Variants in ICA1 observed in about 807,000 individuals in gnomAD.
The protein encoded by ICA1 is 69 kDa islet cell autoantigen.
ICA1 carries 40 observed loss-of-function variants against 71.0 expected under a neutral mutation model. The observed-to-expected ratio is 0.56, with a 90% CI of 0.44 to 0.73. The LOEUF (loss-of-function observed/expected upper bound fraction) is 0.73, where lower values mean the gene tolerates loss of function less well. Ranked by LOEUF, ICA1 falls within the 30% of genes least tolerant of loss-of-function variation. The probability of loss-of-function intolerance (pLI) is 0.00; values close to 1 mark genes in which losing one functional copy is unlikely to be tolerated. For synonymous variants in ICA1, 207 were observed against 209.5 expected (o/e 0.99, Z 0.10); for missense variants, 578 against 576.5 (o/e 1.00, Z -0.03).
At position 8,218,500 on chromosome 7, in the gene ICA1, C is replaced by T. The variant is rs1796066770; in HGVS notation, c.384G>A (p.Leu128=). The change falls in exon 6 of 14, where the codon TTG becomes TTA. Residue 128 remains leucine, a synonymous_variant. Coordinates refer to ENST00000402384, the MANE Select transcript of ICA1 (RefSeq NM_001136020.3). ...ATCGACACAAAGGATTTCGTAAGGCCAACCTAGACAAGAGGACAAAGCCAC... is the reference window on the plus strand; with the variant it reads ...ATCGACACAAAGGATTTCGTAAGGCTAACCTAGACAAGAGGACAAAGCCAC... ...KALCFSSQQR[L]ALRNPLCRFH... is the part of the protein sequence containing the mutation. The T allele has an allele frequency of 6.2e-7, 1 of 1,613,786 alleles. No homozygotes were observed. Among genetic ancestry groups the T allele is most frequent in the Non-Finnish European group, 8.5e-7 (1 of 1,179,864 alleles).
At chr7:8,199,201 A>G (rs758989410) in intron 6 of ICA1, among the ~76,000 whole-genome samples, 1 of 152,218 alleles carries the variant, frequency 6.6e-6, no homozygotes, top group Non-Finnish European at 1.5e-5. Context: ...GAGCTACCAT[A>G]TGATCCAACA....
At chr7:8,153,492 A>T (rs1205412031) in intron 8 of ICA1, among the ~76,000 whole-genome samples, 2 of 152,120 alleles carry the variant, frequency 1.3e-5, no homozygotes, top group Non-Finnish European at 2.9e-5. Context: ...TCTACTTATG[A>T]GGTCTTTTTT....
At chr7:8,240,496 C>T (rs1411647256) in intron 1 of ICA1, among the ~76,000 whole-genome samples, 1 of 152,166 alleles carries the variant, frequency 6.6e-6, no homozygotes, top group African/African-American at 2.4e-5. Flanking sequence ...AACCAGAGCG[C>T]ATCTTCTCCT....
intron 13 of ICA1, among the ~76,000 whole-genome samples, chr7:8,125,451 C>T (rs960081883): frequency 3.9e-5 from 6 of 152,212 alleles, no homozygotes; most frequent in South Asian, 4.1e-4. Flanking sequence ...TCACCTCCTG[C>T]AAGTCTCTGC....
chr7:8,186,380 A>G (rs1783920955), intron 6 of ICA1, among the ~76,000 whole-genome samples: 1 of 152,192 alleles, frequency 6.6e-6, no homozygotes, highest in Non-Finnish European at 1.5e-5. Context: ...GGAATACAGT[A>G]TTGGACCTAG....
intron 6 of ICA1, among the ~76,000 whole-genome samples, chr7:8,185,857 T>C (rs990449051): frequency 1.3e-5 from 2 of 152,224 alleles, no homozygotes; most frequent in Non-Finnish European, 2.9e-5. Flanking sequence ...GCTTGGTGCA[T>C]AGTAAGCACT....
At chr7:8,220,544 A>G (rs1334866241) in intron 5 of ICA1, among the ~76,000 whole-genome samples, 1 of 152,120 alleles carries the variant, frequency 6.6e-6, no homozygotes, top group Non-Finnish European at 1.5e-5. Flanking sequence ...AGTTACTGGG[A>G]GAGAAGGGAA....
rs1436838401 is a variant in ICA1, at chr7:8,132,549, C to A, written c.1061-4407G>T. On this transcript the variant is annotated intron_variant, in intron 12 of 13. Coordinates refer to ENST00000402384, the MANE Select transcript of ICA1 (RefSeq NM_001136020.3). The surrounding 1 kb of genome is among the most constrained non-coding windows in gnomAD (Gnocchi z 4.5). ...GAGATCCTCATTGCCAGTTCTGAGG[C>A]TCTTTTCCCAGGCCTTTACCTGTAC... Among the ~76,000 whole-genome samples the A allele has an allele frequency of 6.6e-6, 1 of 152,158 alleles. No individual in the cohort carries two copies. The highest frequency in any genetic ancestry group is 1.5e-5 in the Non-Finnish European group (1 of 68,012).
intron 12 of ICA1, among the ~76,000 whole-genome samples, chr7:8,134,582 C>CCACAA (rs1387190144): frequency 6.6e-6 from 1 of 152,138 alleles, no homozygotes; most frequent in African/African-American, 2.4e-5. Flanking sequence ...ATCGTAAAGG[C>CCACAA]CACACGCTTG....
At chr7:8,242,174 T>A (rs1804175114) in intron 1 of ICA1, among the ~76,000 whole-genome samples, 1 of 152,086 alleles carries the variant, frequency 6.6e-6, no homozygotes, top group South Asian at 2.1e-4. Flanking sequence ...AAAAAAGCAC[T>A]CCTCAGCAAA....
At chr7:8,166,008 A>G (rs997010305) in intron 6 of ICA1, among the ~76,000 whole-genome samples, 7 of 152,254 alleles carry the variant, frequency 4.6e-5, no homozygotes, top group Non-Finnish European at 1.0e-4. Context: ...ACAGAAGTAG[A>G]AAGATCTATT....
intron 8 of ICA1, among the ~76,000 whole-genome samples, chr7:8,151,998 A>C (rs1798963160): frequency 6.6e-6 from 1 of 151,870 alleles, no homozygotes; most frequent in South Asian, 2.1e-4. Context: ...TGTAAAGCCA[A>C]ATTGCATTTT....
intron 8 of ICA1, among the ~76,000 whole-genome samples, chr7:8,152,492 G>A (rs1322228615): frequency 3.4e-5 from 5 of 149,138 alleles, no homozygotes; most frequent in South Asian, 2.1e-4. Flanking sequence ...AACCATTACC[G>A]TCACCCTTAC....
chr7:8,145,006 C>T (rs551178511), intron 8 of ICA1, among the ~76,000 whole-genome samples: 26 of 152,046 alleles, frequency 1.7e-4, no homozygotes, highest in Admixed American at 2.6e-4. Context: ...GGCTGTGTCT[C>T]GGCAGAGCAG....
At position 8,262,122 on chromosome 7, in the gene ICA1, C is replaced by G. The variant is rs1584044487; in HGVS notation, c.-108G>C. The G allele has an allele frequency of 6.6e-6, 1 of 152,202 alleles. No homozygotes were observed. The highest frequency in any genetic ancestry group is 1.5e-5 in the Non-Finnish European group (1 of 68,040). The allele number at this position is 152,202 out of a possible 1,614,324, so 9.4% of individuals were successfully genotyped here. On this transcript the variant is annotated 5_prime_UTR_variant, in exon 1 of 14. Transcript: ENST00000402384. ...GGAGCCCCGGCCCCCAGGAGCCTCC[C>G]GGCCGCGGTCGGAGCGTCCCTCCGG...
intron 6 of ICA1, among the ~76,000 whole-genome samples, chr7:8,212,007 A>T (rs547697447): frequency 1.3e-5 from 2 of 152,350 alleles, no homozygotes; most frequent in South Asian, 4.1e-4. Context: ...GTATTCATAT[A>T]TAAATAAGAG....
At chr7:8,162,261 C>A (rs560263084) in intron 6 of ICA1, among the ~76,000 whole-genome samples, 31 of 152,288 alleles carry the variant, frequency 2.0e-4, no homozygotes, top group African/African-American at 6.7e-4. Flanking sequence ...ATTTTAGAAA[C>A]CTAGAAGACA....
intron 1 of ICA1, among the ~76,000 whole-genome samples, chr7:8,241,973 T>A (rs1804083304): frequency 6.6e-6 from 1 of 152,144 alleles, no homozygotes; most frequent in Non-Finnish European, 1.5e-5. Context: ...AATGGGAGAC[T>A]TTAACACCCC....
intron 1 of ICA1, among the ~76,000 whole-genome samples, chr7:8,252,722 A>G (rs1808605577): frequency 6.6e-6 from 1 of 151,002 alleles, no homozygotes; most frequent in South Asian, 2.1e-4. Context: ...ACATTTATAT[A>G]TTACATATTT....
Sources: gnomAD v4.1 joint callset for allele counts (sites outside exome capture counted in the v4.1 genomes callset) on GRCh38, gnomAD v4.1.1 for gene constraint, Gnocchi (gnomAD v3.1) non-coding constraint, MANE v1.5 for transcripts, NCBI Gene and HGNC (gene_info 2026-07-23, HGNC 2026-07-21) for gene names.